RABEP1: variants seen among roughly 807,000 people sequenced by gnomAD.
The protein encoded by RABEP1 is rab GTPase-binding effector protein 1.
RABEP1 carries 51 observed loss-of-function variants against 123.4 expected under a neutral mutation model. The observed-to-expected ratio is 0.41, with a 90% confidence interval of 0.33 to 0.52. RABEP1 has a LOEUF of 0.52. Among genes scored for constraint, RABEP1 ranks in the 20% least tolerant of loss-of-function variants. The pLI, the probability that RABEP1 is intolerant of heterozygous loss-of-function variation, is 0.16. For missense variants in RABEP1, 888 were observed against 996.3 expected (o/e 0.89, Z 1.46); for synonymous variants, 347 against 355.2 (o/e 0.98, Z 0.26).
chr17:5,287,254 A>G (rs2074987586), intron 1 of RABEP1, among the ~76,000 whole-genome samples: 1 of 152,188 alleles, frequency 6.6e-6, no homozygotes. Context: ...TTTTAAAAAA[A>G]TCACTCTGGG....
chr17:5,301,806 TAAA>T, intron 1 of RABEP1, among the ~76,000 whole-genome samples: 1 of 152,216 alleles, frequency 6.6e-6, no homozygotes, highest in East Asian at 1.9e-4. Context: ...GCGCCATGGT[TAAA>T]ACTGCACTAG....
rs973159133 is a variant in RABEP1 at position 5,282,393 on chromosome 17, G to T, written c.-94G>T. 4 of 1,020,068 alleles carry T rather than the reference G, an allele frequency of 3.9e-6. No homozygotes were observed. The highest frequency in any genetic ancestry group is 7.9e-5 in the Admixed American group (2 of 25,364). The allele number at this position is 1,020,068 out of a possible 1,614,324, so 63.2% of individuals were successfully genotyped here. ...TTCTCTCTGGGCGGCGGCGGCGGCGGCTCGGTTGACGCCTCCTCCGCCAGC... is the reference window on the plus strand; with the variant it reads ...TTCTCTCTGGGCGGCGGCGGCGGCGTCTCGGTTGACGCCTCCTCCGCCAGC... On this transcript the variant is annotated 5_prime_UTR_variant, in exon 1 of 18. Coordinates refer to ENST00000537505, the MANE Select transcript of RABEP1 (RefSeq NM_004703.6).
At chr17:5,379,840 T>C (rs1281958222) in intron 15 of RABEP1, among the ~76,000 whole-genome samples, 2 of 151,602 alleles carry the variant, frequency 1.3e-5, no homozygotes, top group Non-Finnish European at 2.9e-5. Context: ...ATCAAGTCCA[T>C]ATCCTTAGCC....
At chr17:5,361,169 G>T in intron 8 of RABEP1, 39 bp from the exon 9 acceptor site, 3 of 1,551,074 alleles carry the variant, frequency 1.9e-6, no homozygotes, top group Non-Finnish European at 2.6e-6. Flanking sequence ...AAAACGCAGA[G>T]AATTGTCTAA....
At position 5,385,007 on chromosome 17, in the gene RABEP1, C is replaced by T. The variant is rs1911830157; in HGVS notation, c.*1784C>T. On this transcript the variant is annotated 3_prime_UTR_variant, in exon 18 of 18. Transcript: ENST00000537505. Reference sequence around the variant, plus strand: ...TCTGAACTGACTGAACTAGAGCTTGCAGTGAAGTGTTCTGCTGAGACTGAG... The same window carrying T: ...TCTGAACTGACTGAACTAGAGCTTGTAGTGAAGTGTTCTGCTGAGACTGAG... 8.8e-6 allele frequency: 2 copies of T among 228,548 alleles called. No individual in the cohort carries two copies. Among genetic ancestry groups the T allele is most frequent in the Non-Finnish European group, 1.7e-5 (2 of 115,268 alleles). The allele number at this position is 228,548 out of a possible 1,614,324, so 14.2% of individuals were successfully genotyped here. A position where few individuals can be genotyped will look rare whatever the true frequency, so the allele number is the denominator to read the frequency against.
intron 1 of RABEP1, chr17:5,283,960 T>A (rs572132653): frequency 6.6e-6 from 1 of 152,244 alleles, no homozygotes; most frequent in Non-Finnish European, 1.5e-5. Flanking sequence ...ATTTTAATGA[T>A]CACCTTTTGC....
chr17:5,345,707 G>T (rs1266984143), intron 5 of RABEP1, among the ~76,000 whole-genome samples: 1 of 152,168 alleles, frequency 6.6e-6, no homozygotes, highest in Non-Finnish European at 1.5e-5. Flanking sequence ...AGCATCAAAT[G>T]ATTGCTTAAA....
intron 2 of RABEP1, among the ~76,000 whole-genome samples, chr17:5,323,027 A>G (rs1221238362): frequency 6.6e-6 from 1 of 152,140 alleles, no homozygotes; most frequent in Admixed American, 6.5e-5. Flanking sequence ...GTGAGTTGAG[A>G]TTATGCCACT....
chr17:5,323,741 A>AATATATATATATATCTAGGAATAT, intron 2 of RABEP1, among the ~76,000 whole-genome samples: 1 of 60,982 alleles, frequency 1.6e-5, no homozygotes, highest in Admixed American at 1.5e-4. Flanking sequence ...TATATCTAGG[A>AATATATATATATATCTAGGAATAT]ATATATATAT....
chr17:5,383,383 G>C lies in RABEP1; in HGVS notation c.*160G>C, dbSNP rs1476576547. 6.3e-6 allele frequency: 4 copies of C among 635,190 alleles called. No homozygotes were observed. Among genetic ancestry groups the C allele is most frequent in the Non-Finnish European group, 1.1e-5 (4 of 366,398 alleles). 39.3% of individuals were successfully genotyped at this position (635,190 alleles called of 1,614,324 possible). A position where few individuals can be genotyped will look rare whatever the true frequency, so the allele number is the denominator to read the frequency against. On this transcript the variant is annotated 3_prime_UTR_variant, in exon 18 of 18. Transcript: ENST00000537505. The stretch of plus-strand genomic sequence containing the variant: ...AGAGGGAGAAGACTGTGCGGCACAG[G>C]AAACAGCAAACAGTGGGGTGATCTG...
At chr17:5,337,051 G>A (rs1907159407) in intron 4 of RABEP1, among the ~76,000 whole-genome samples, 1 of 152,160 alleles carries the variant, frequency 6.6e-6, no homozygotes, top group African/African-American at 2.4e-5. Flanking sequence ...TTCTCTGCGT[G>A]TAAGTGTATG....
chr17:5,344,460 A>G lies in RABEP1; in HGVS notation c.649-2330A>G, dbSNP rs1428219445. ...CTCAAAATTGCCAAGTCCACAAGTG[A>G]CAGATAATTCTGAAGAAAAACAGGT... On this transcript the variant is annotated intron_variant, in intron 5 of 17. Coordinates refer to ENST00000537505, the MANE Select transcript of RABEP1 (RefSeq NM_004703.6). 1.3e-5 allele frequency among the ~76,000 whole-genome samples: 2 copies of G among 152,084 alleles called. 1 individual carries two copies.
chr17:5,335,777 CT>C (rs965919408), intron 4 of RABEP1, among the ~76,000 whole-genome samples: 1 of 151,206 alleles, frequency 6.6e-6, no homozygotes, highest in African/African-American at 2.4e-5. Flanking sequence ...CTCTTTCTCT[CT>C]TTTTTTTTAA....
chr17:5,296,023 T>C (rs1424954257), intron 1 of RABEP1, among the ~76,000 whole-genome samples: 1 of 152,230 alleles, frequency 6.6e-6, no homozygotes, highest in African/African-American at 2.4e-5. Flanking sequence ...TTTACTTTTC[T>C]TTAAAATTCA....
chr17:5,366,617 TG>T (rs1335315965), intron 11 of RABEP1, among the ~76,000 whole-genome samples: 25 of 151,936 alleles, frequency 1.6e-4, no homozygotes, highest in African/African-American at 4.8e-4. Flanking sequence ...GGCTAATTTT[TG>T]TAGTTTTAGT....
intron 8 of RABEP1, among the ~76,000 whole-genome samples, chr17:5,357,111 C>CAA (rs1909090479): frequency 6.6e-6 from 1 of 151,970 alleles, no homozygotes; most frequent in African/African-American, 2.4e-5. Flanking sequence ...CTCCTGATCT[C>CAA]GTGATCCACC....
chr17:5,314,520 G>GTT lies in RABEP1; in HGVS notation c.163+5713_163+5714dup, dbSNP rs369819159. Among the ~76,000 whole-genome samples the GTT allele has an allele frequency of 1.8e-3, 210 of 114,332 alleles. 1 individual carries two copies. The highest frequency in any genetic ancestry group is 5.6e-3 in the Middle Eastern group (1 of 178). 75.0% of individuals were successfully genotyped at this position (114,332 alleles called of 152,430 possible). ...GGGAATGTTATAAATATTTCTGAAAGTTTTTTTTTTTTTTTTGAGATGGAG... is the reference window on the plus strand; with the variant it reads ...GGGAATGTTATAAATATTTCTGAAAGTTTTTTTTTTTTTTTTTTGAGATGGAG... On this transcript the variant is annotated intron_variant, in intron 2 of 17. Transcript: ENST00000537505.
chr17:5,385,467 T>C lies in RABEP1; in HGVS notation c.*2244T>C, dbSNP rs1298105670. ...AGTCACTCAGCCATTTCTAAGCAGA[T>C]ATAGTAGTACCTTTCAGAACTCACA... On this transcript the variant is annotated 3_prime_UTR_variant, in exon 18 of 18. Transcript: ENST00000537505. The C allele has an allele frequency of 4.3e-5, 10 of 230,584 alleles. No homozygotes were observed. The highest frequency in any genetic ancestry group is 7.7e-5 in the Non-Finnish European group (9 of 116,502). The allele number at this position is 230,584 out of a possible 1,614,324, so 14.3% of individuals were successfully genotyped here.
intron 5 of RABEP1, among the ~76,000 whole-genome samples, chr17:5,340,532 C>T (rs1907500400): frequency 2.0e-5 from 3 of 150,880 alleles, no homozygotes; most frequent in South Asian, 4.2e-4. Context: ...ATGGGTTATT[C>T]AGGTATTTAC....
Sources: allele counts gnomAD v4.1 joint callset (sites outside exome capture counted in the v4.1 genomes callset), GRCh38; gene constraint gnomAD v4.1.1; transcripts MANE v1.5; gene names NCBI Gene and HGNC (gene_info 2026-07-23, HGNC 2026-07-21).